Variants in MPND observed in about 807,000 individuals in gnomAD.
MPND encodes MPN domain containing.
A neutral mutation model predicts 59.2 loss-of-function variants in MPND; 56 were observed. That is an observed-to-expected ratio of 0.95 (90% CI 0.76 to 1.18). The LOEUF (loss-of-function observed/expected upper bound fraction) is 1.18, where lower values mean the gene tolerates loss of function less well. MPND is among the 50% of genes most tolerant of loss of function. The pLI is 0.00. For synonymous variants in MPND, 323 were observed against 291.9 expected, an observed-to-expected ratio of 1.11 and a Z score of -1.09; for missense variants, 671 against 676.0, an observed-to-expected ratio of 0.99 and a Z score of 0.08.
chr19:4,351,236 TG>T (rs1972308932), intron 3 of MPND, among the ~76,000 whole-genome samples: 1 of 152,184 alleles, frequency 6.6e-6, no homozygotes, highest in Non-Finnish European at 1.5e-5. Context: ...CCTGAGTAGC[TG>T]GGATTGCAGG....
At chr19:4,357,146 C>T (rs1972454516) in intron 8 of MPND, 107 bp from the exon 9 acceptor site, 2 of 1,284,342 alleles carry the variant, frequency 1.6e-6, no homozygotes, top group African/African-American at 1.5e-5. Flanking sequence ...ATCACTGTGT[C>T]CCCAGGCCTG....
chr19:4,357,979 G>A (rs1972481767), intron 10 of MPND, 104 bp from the exon 11 acceptor site: 2 of 886,684 alleles, frequency 2.3e-6, no homozygotes, highest in Non-Finnish European at 3.6e-6. Flanking sequence ...AGCTGAGCCG[G>A]GGTGTGCACT....
chr19:4,346,430 T>A (rs991753641), intron 3 of MPND, among the ~76,000 whole-genome samples: 2 of 152,048 alleles, frequency 1.3e-5, no homozygotes, highest in Non-Finnish European at 2.9e-5. Flanking sequence ...TTTTTTCTTT[T>A]TTTTTGAGAC....
chr19:4,357,672 C>A, intron 10 of MPND, 87 bp downstream of exon 10: 1 of 1,348,162 alleles, frequency 7.4e-7, no homozygotes, highest in Non-Finnish European at 1.0e-6. Context: ...TGGTTCCAGG[C>A]TCCACTGGAG....
chr19:4,350,126 G>A (rs952885878), intron 3 of MPND, among the ~76,000 whole-genome samples: 2 of 148,522 alleles, frequency 1.3e-5, no homozygotes, highest in Non-Finnish European at 1.5e-5. Flanking sequence ...ACGGAGAACT[G>A]AAGGTGGGGA....
At chr19:4,356,350 G>A (rs1271178646) in intron 8 of MPND, among the ~76,000 whole-genome samples, 1 of 152,100 alleles carries the variant, frequency 6.6e-6, no homozygotes, top group African/African-American at 2.4e-5. Context: ...TTCAACACCA[G>A]CCTGGGGCCA....
intron 3 of MPND, among the ~76,000 whole-genome samples, chr19:4,351,349 C>CT (rs1489709893): frequency 6.6e-6 from 1 of 151,978 alleles, no homozygotes; most frequent in African/African-American, 2.4e-5. Context: ...AGTGGTCCAC[C>CT]GCCTCAGCCT....
chr19:4,353,028 G>A lies in MPND; in HGVS notation c.663G>A (p.Pro221=), dbSNP rs201571889. 2.6e-4 allele frequency: 354 copies of A among 1,338,158 alleles called. 2 individuals are homozygous for A. In the Middle Eastern group the frequency reaches 8.2e-3, roughly 31 times the overall value. 82.9% of individuals were successfully genotyped at this position (1,338,158 alleles called of 1,614,324 possible). A position where few individuals can be genotyped will look rare whatever the true frequency, so the allele number is the denominator to read the frequency against. Residue 221 remains proline, a splice_region_variant and synonymous_variant, in exon 4 of 13, where the codon CCG becomes CCA. Coordinates refer to ENST00000599840, the MANE Select transcript of MPND (RefSeq NM_001300862.2). ...AGAGCCCTTCAGAGCCTGCCCACCC[G>A]GGTGAGAGGCGTGGGGAGGGGAGGC... ...LGKSPSEPAH[P]EATTPGKRVD...
intron 2 of MPND, among the ~76,000 whole-genome samples, chr19:4,344,878 A>G (rs1390995108): frequency 2.7e-5 from 4 of 146,212 alleles, no homozygotes; most frequent in Non-Finnish European, 3.0e-5. Flanking sequence ...CTGGGACTAC[A>G]GGTATGCGCC....
rs995732347 is a variant in MPND, at chr19:4,344,136, C to T, written c.294+142C>T. The T allele has an allele frequency of 7.1e-6, 4 of 560,354 alleles. No homozygotes were observed. In the South Asian group the frequency reaches 2.7e-4, roughly 37 times the overall value. 34.7% of individuals were successfully genotyped at this position (560,354 alleles called of 1,614,324 possible). On this transcript the variant is annotated intron_variant, in intron 2 of 12. Transcript: ENST00000599840. Reference sequence around the variant, plus strand: ...AGCTCCCTTGCTGAGAGACGAGCCCCGGTGTGGCGAGGGGAAACTGAGGCC... The same window carrying T: ...AGCTCCCTTGCTGAGAGACGAGCCCTGGTGTGGCGAGGGGAAACTGAGGCC...
At position 4,345,939 on chromosome 19, in the gene MPND, C is replaced by T. The variant is rs1972176865; in HGVS notation, c.489C>T (p.Leu163=). 1.2e-6 allele frequency: 2 copies of T among 1,613,284 alleles called. No homozygotes were observed. The highest frequency in any genetic ancestry group is 4.5e-5 in the East Asian group (2 of 44,876). ...TGGACAAGTACAAGGCCACCTGGCT[C>T]CGGCTGCACCAGCTGCACACGCCTG... ...QKLDKYKATW[L]RLHQLHTPAT... The change falls in exon 3 of 13, where the codon CTC becomes CTT. Residue 163 remains leucine (L), a synonymous_variant. Transcript: ENST00000599840.
intron 8 of MPND, among the ~76,000 whole-genome samples, chr19:4,356,042 CAG>C (rs917059612): frequency 5.9e-5 from 9 of 151,370 alleles, no homozygotes; most frequent in African/African-American, 1.7e-4. Context: ...TTAGTTGAGA[CAG>C]GGTTTCACCA....
intron 1 of MPND, 47 bp from the exon 2 acceptor site, chr19:4,343,661 A>G (rs1207591137): frequency 1.2e-5 from 15 of 1,200,200 alleles, no homozygotes; most frequent in African/African-American, 1.6e-5. Flanking sequence ...GCGGGGCTGC[A>G]GAGCCGTGGG....
At chr19:4,358,544 T>C in intron 11 of MPND, 1 of 198,026 alleles carries the variant, frequency 5.0e-6, no homozygotes, top group Non-Finnish European at 1.0e-5. Context: ...TCCCAGCACT[T>C]TGGGAGGCTG....
chr19:4,353,209 C>T (rs1972361143), intron 4 of MPND, among the ~76,000 whole-genome samples, 180 bp downstream of exon 4: 1 of 152,122 alleles, frequency 6.6e-6, no homozygotes, highest in African/African-American at 2.4e-5. Context: ...TCCCACTGCC[C>T]AGTTTTACTC....
rs970356453 is a variant in MPND at position 4,343,845 on chromosome 19, G to C, written c.145G>C (p.Val49Leu). Residue 49 changes from valine to leucine, a missense_variant, in exon 2 of 13, where the codon GTC becomes CTC. Coordinates refer to ENST00000599840, the MANE Select transcript of MPND (RefSeq NM_001300862.2). The stretch of plus-strand genomic sequence containing the variant: ...ACGCAGTGGCGGCGGCGGCAGTAGC[G>C]TCAGCGGAGGAGGCGGCGGCGGCGG... ...GGRSGGGGSS[V>L]SGGGGGGGAG... The C allele has an allele frequency of 4.6e-5, 56 of 1,211,996 alleles. No individual in the cohort carries two copies. Among genetic ancestry groups the C allele is most frequent in the Non-Finnish European group, 9.2e-6 (9 of 977,882 alleles). 75.1% of individuals were successfully genotyped at this position (1,211,996 alleles called of 1,614,324 possible).
At position 4,345,080 on chromosome 19, in the gene MPND, C is replaced by T. The variant is rs780797367; in HGVS notation, c.295-665C>T. On this transcript the variant is annotated intron_variant, in intron 2 of 12. Transcript: ENST00000599840. ...TTTTTTTTTTTGAGACAGAGTCTCG[C>T]GCTGTTGCCCAGGCTGGAATGCAGT... Among the ~76,000 whole-genome samples the T allele has an allele frequency of 9.0e-5, 11 of 122,160 alleles. No individual in the cohort carries two copies. The East Asian group carries it at 1.2e-3, about 14-fold the overall frequency. The allele number at this position is 122,160 out of a possible 152,430, so 80.1% of individuals were successfully genotyped here.
At chr19:4,345,062 T>A (rs1334985119) in intron 2 of MPND, among the ~76,000 whole-genome samples, 2 of 140,304 alleles carry the variant, frequency 1.4e-5, no homozygotes, top group Non-Finnish European at 3.1e-5. Flanking sequence ...TTTTTTTTTT[T>A]TTTGAGACAG....
At chr19:4,359,846 G>A (rs1184182489) in intron 12 of MPND, 70 bp from the exon 13 acceptor site, 15 of 1,283,082 alleles carry the variant, frequency 1.2e-5, no homozygotes, top group African/African-American at 4.5e-5. Context: ...GGACTTGCAC[G>A]GTGGACTGTG....
Sources: gnomAD v4.1 joint callset for allele counts (sites outside exome capture counted in the v4.1 genomes callset) on GRCh38, gnomAD v4.1.1 for gene constraint, MANE v1.5 for transcripts, NCBI Gene and HGNC (gene_info 2026-07-23, HGNC 2026-07-21) for gene names.